Variants in KIF13A observed in about 807,000 individuals in gnomAD.
KIF13A encodes kinesin-like protein KIF13A.
KIF13A carries 79 observed loss-of-function variants against 212.2 expected under a neutral mutation model. The observed-to-expected ratio is 0.37, with a 90% CI of 0.31 to 0.45. KIF13A has a LOEUF of 0.45. Among genes scored for constraint, KIF13A ranks in the 20% least tolerant of loss-of-function variants. The pLI, the probability that KIF13A is intolerant of heterozygous loss-of-function variation, is 1.00. For missense variants in KIF13A, 1,901 were observed against 2,209.0 expected (o/e 0.86, Z 2.79); for synonymous variants, 789 against 808.6 (o/e 0.98, Z 0.41).
At chr6:17,804,965 T>C (rs1474679574) in intron 19 of KIF13A, among the ~76,000 whole-genome samples, 6 of 151,834 alleles carry the variant, frequency 4.0e-5, no homozygotes, top group Non-Finnish European at 8.8e-5. Context: ...TTTCATTTCA[T>C]CCCCTTTGTT....
intron 9 of KIF13A, among the ~76,000 whole-genome samples, chr6:17,847,469 G>A (rs1489566144): frequency 6.6e-6 from 1 of 152,142 alleles, no homozygotes; most frequent in Non-Finnish European, 1.5e-5. Flanking sequence ...TGATAGAGGG[G>A]CCACTATTTT....
intron 28 of KIF13A, among the ~76,000 whole-genome samples, chr6:17,784,739 A>G (rs1018639797): frequency 6.6e-6 from 1 of 152,158 alleles, no homozygotes; most frequent in South Asian, 2.1e-4. Flanking sequence ...GTCTGTAAGA[A>G]GTGGCTGGCA....
chr6:17,932,809 A>G (rs1776122300), intron 2 of KIF13A, among the ~76,000 whole-genome samples: 1 of 152,140 alleles, frequency 6.6e-6, no homozygotes, highest in Non-Finnish European at 1.5e-5. Flanking sequence ...GAAAGAAAAA[A>G]AAAAAAAACT....
rs1032374051 is a variant in KIF13A at position 17,787,713 on chromosome 6, A to G, written c.3361+63T>C. 2 of 923,498 alleles carry G rather than the reference A, an allele frequency of 2.2e-6. No homozygotes were observed. The highest frequency in any genetic ancestry group is 3.3e-5 in the African/African-American group (2 of 61,030). The allele number at this position is 923,498 out of a possible 1,614,324, so 57.2% of individuals were successfully genotyped here. On this transcript the variant is annotated intron_variant, in intron 27 of 38. Transcript: ENST00000259711. The surrounding 1 kb of genome is among the most constrained non-coding windows in gnomAD (Gnocchi z 4.6). ...ACTGTCCAGTTAGGGGAAGAAAACG[A>G]CCTACTGCCATTGTGTAAAAGTGAA...
Position 17,951,205 on chromosome 6 carries a change from C to T in KIF13A, c.146+35849G>A, listed in dbSNP as rs1393537382. The T allele has an allele frequency of 1.2e-5, 14 of 1,140,482 alleles. No homozygotes were observed. In the Admixed American group the frequency reaches 1.2e-4, roughly 10 times the overall value. 70.6% of individuals were successfully genotyped at this position (1,140,482 alleles called of 1,614,324 possible). A position where few individuals can be genotyped will look rare whatever the true frequency, so the allele number is the denominator to read the frequency against. ...GGTCTGGCTCTGTCACCCAGGCTGG[C>T]GTGCAGTGGCTCAAACAGCTCACTG... On this transcript the variant is annotated intron_variant, in intron 2 of 38. Transcript: ENST00000259711. The surrounding 1 kb of genome is among the most constrained non-coding windows in gnomAD (Gnocchi z 4.9).
intron 25 of KIF13A, among the ~76,000 whole-genome samples, chr6:17,792,546 T>C (rs892138044): frequency 6.6e-6 from 1 of 152,168 alleles, no homozygotes; most frequent in African/African-American, 2.4e-5. Flanking sequence ...CACGTAGAAG[T>C]TGATGGCTAA....
rs544711252 is a variant in KIF13A, at chr6:17,811,625, G to C, written c.2001-2695C>G. On this transcript the variant is annotated intron_variant, in intron 17 of 38. Coordinates refer to ENST00000259711, the MANE Select transcript of KIF13A (RefSeq NM_022113.6). This position sits in a 1 kb window ranked among gnomAD's most constrained non-coding sequence, Gnocchi z 6.0. ...AACCCATCAACATTCATGTAGGTAA[G>C]AGTCCTTCATTATTTCACAACCCAT... Among the ~76,000 whole-genome samples, 2 of 152,132 alleles carry C rather than the reference G, an allele frequency of 1.3e-5. No individual in the cohort carries two copies. The highest frequency in any genetic ancestry group is 4.8e-5 in the African/African-American group (2 of 41,424).
rs977998896 is a variant in KIF13A at position 17,900,086 on chromosome 6, A to G, written c.147-1906T>C. 7.2e-5 allele frequency among the ~76,000 whole-genome samples: 11 copies of G among 152,226 alleles called. No homozygotes were observed. ...GGAAAGAAAAGTCACTTGGGTTACA[A>G]TAAGGCCATTATATGAAACAGCACA... On this transcript the variant is annotated intron_variant, in intron 2 of 38. Coordinates refer to ENST00000259711, the MANE Select transcript of KIF13A (RefSeq NM_022113.6). This position sits in a 1 kb window ranked among gnomAD's most constrained non-coding sequence, Gnocchi z 4.6.
chr6:17,901,392 CT>C, intron 2 of KIF13A, among the ~76,000 whole-genome samples: 1 of 152,194 alleles, frequency 6.6e-6, no homozygotes, highest in South Asian at 2.1e-4. Context: ...ATCTTCATCG[CT>C]TTCATATATA....
intron 4 of KIF13A, among the ~76,000 whole-genome samples, chr6:17,863,140 G>A (rs969705925): frequency 1.1e-4 from 16 of 152,110 alleles, no homozygotes; most frequent in African/African-American, 3.9e-4. Context: ...TTCTTAGAAA[G>A]ATTTCTGAAA....
intron 18 of KIF13A, among the ~76,000 whole-genome samples, chr6:17,807,368 G>A (rs941943105): frequency 6.6e-6 from 1 of 151,960 alleles, no homozygotes; most frequent in Non-Finnish European, 1.5e-5. Context: ...GTGGGGGGAG[G>A]TCTATAAACG....
In KIF13A at chr6:17,947,160, T is replaced by C. The variant is rs1347371473; in HGVS notation, c.146+39894A>G. Among the ~76,000 whole-genome samples, 1 of 152,182 alleles carries C rather than the reference T, an allele frequency of 6.6e-6. No individual in the cohort carries two copies. Among genetic ancestry groups the C allele is most frequent in the South Asian group, 2.1e-4 (1 of 4,826 alleles). On this transcript the variant is annotated intron_variant, in intron 2 of 38. Coordinates refer to ENST00000259711, the MANE Select transcript of KIF13A (RefSeq NM_022113.6). The surrounding 1 kb of genome is among the most constrained non-coding windows in gnomAD (Gnocchi z 4.6). Reference sequence around the variant, plus strand: ...TATAAAGAAAACTAAGGAAAATAAATATAAAATTCAGGATAGTCATTTCCT... The same window carrying C: ...TATAAAGAAAACTAAGGAAAATAAACATAAAATTCAGGATAGTCATTTCCT...
chr6:17,959,311 A>G (rs563881783), intron 2 of KIF13A, among the ~76,000 whole-genome samples: 1 of 152,334 alleles, frequency 6.6e-6, no homozygotes, highest in Admixed American at 6.5e-5. Flanking sequence ...AAAAATAGCC[A>G]TGCCCATACA....
chr6:17,938,110 G>A (rs1025126872), intron 2 of KIF13A, among the ~76,000 whole-genome samples: 2 of 151,848 alleles, frequency 1.3e-5, no homozygotes, highest in African/African-American at 4.8e-5. Context: ...GCCAAGGCTG[G>A]TCTTGAACTC....
chr6:17,857,515 C>T (rs932383087), intron 4 of KIF13A, among the ~76,000 whole-genome samples: 3 of 152,166 alleles, frequency 2.0e-5, no homozygotes, highest in Non-Finnish European at 4.4e-5. Context: ...GAGGCCTCCC[C>T]AGTCATGCGG....
intron 2 of KIF13A, among the ~76,000 whole-genome samples, chr6:17,901,143 G>C (rs1187061377): frequency 6.6e-6 from 1 of 151,224 alleles, no homozygotes; most frequent in Admixed American, 6.6e-5. Flanking sequence ...TTTGAGTGCA[G>C]GGAAGAAAAT....
rs1342196295 is a variant in KIF13A at position 17,837,013 on chromosome 6, G to C, written c.1020C>G (p.Leu340=). 7 of 1,613,862 alleles carry C rather than the reference G, an allele frequency of 4.3e-6. No individual in the cohort carries two copies. Among genetic ancestry groups the C allele is most frequent in the African/African-American group, 2.7e-5 (2 of 74,904 alleles). ...CTCGGTCTGCATATCTTAATGTGGAGAGGGTCTCTTCATAGTTGTCTGCGG... is the reference window on the plus strand; with the variant it reads ...CTCGGTCTGCATATCTTAATGTGGACAGGGTCTCTTCATAGTTGTCTGCGG... ...SPAADNYEET[L]STLRYADRAK... The change falls in exon 11 of 39, where the codon CTC becomes CTG. Residue 340 remains leucine, a synonymous_variant. Transcript: ENST00000259711. The surrounding 1 kb of genome is among the most constrained non-coding windows in gnomAD (Gnocchi z 5.4).
At chr6:17,954,162 G>A (rs1018203820) in intron 2 of KIF13A, among the ~76,000 whole-genome samples, 5 of 151,968 alleles carry the variant, frequency 3.3e-5, no homozygotes, top group Admixed American at 6.6e-5. Flanking sequence ...TTAGCCAGGT[G>A]TGGTGGCGGG....
intron 2 of KIF13A, among the ~76,000 whole-genome samples, chr6:17,972,828 A>AGG (rs1463935500): frequency 1.2e-5 from 1 of 86,360 alleles, no homozygotes; most frequent in African/African-American, 5.7e-5. Context: ...TTTGAGAGAG[A>AGG]GTGAGAAAAA....
Sources: gnomAD v4.1 joint callset for allele counts (sites outside exome capture counted in the v4.1 genomes callset) on GRCh38, gnomAD v4.1.1 for gene constraint, Gnocchi (gnomAD v3.1) non-coding constraint, MANE v1.5 for transcripts, NCBI Gene and HGNC (gene_info 2026-07-23, HGNC 2026-07-21) for gene names.